The following TTN variants were observed in gnomAD, a reference collection of about 807,000 sequenced individuals.
The protein encoded by TTN is connectin.
TTN carries 1,525 observed loss-of-function variants against 3,223.0 expected under a neutral mutation model. That is an observed-to-expected ratio of 0.47 (90% CI 0.45 to 0.49). The LOEUF (loss-of-function observed/expected upper bound fraction) is 0.49. Among genes scored for constraint, TTN ranks in the 20% least tolerant of loss-of-function variants. TTN has a pLI of 0.00. For missense variants in TTN, 40,786 were observed against 43,424.0 expected (o/e 0.94, Z 5.40); for synonymous variants, 14,094 against 15,161.0 (o/e 0.93, Z 5.17).
rs375155937 is a variant in TTN at position 178,591,072 on chromosome 2, G to T, written c.60653C>A (p.Thr20218Lys). 1.2e-6 allele frequency: 2 copies of T among 1,613,332 alleles called. No homozygotes were observed. The highest frequency in any genetic ancestry group is 1.7e-6 in the Non-Finnish European group (2 of 1,179,566). Residue 20218 changes from threonine to lysine, a missense_variant, in exon 304 of 363, where the codon ACG becomes AAG. Coordinates refer to ENST00000589042, the MANE Select transcript of TTN (RefSeq NM_001267550.2). ...GCTTCCGGAAGAGACAACACCCCAC[G>T]TGTCTTTCCTTGTATCTTGTTTCTC... is the stretch of plus-strand genomic sequence containing the variant. ...IVEKQDTRKD[T>K]WGVVSSGSSK...
intron 164 of TTN, 50 bp downstream of exon 164, chr2:178,665,658 A>C: frequency 7.8e-7 from 1 of 1,286,968 alleles, no homozygotes; most frequent in Non-Finnish European, 1.0e-6. Context: ...CACCCTGTAC[A>C]TGCTAAGCAC....
In TTN at chr2:178,529,002, G is replaced by A. The variant is rs1052337715; in HGVS notation, c.106749C>T (p.Ser35583=). The A allele has an allele frequency of 1.2e-6, 2 of 1,613,816 alleles. No homozygotes were observed. Among genetic ancestry groups the A allele is most frequent in the Non-Finnish European group, 1.7e-6 (2 of 1,179,874 alleles). The change falls in exon 360 of 363, where the codon TCC becomes TCT. Residue 35583 remains serine, a synonymous_variant. Coordinates refer to ENST00000589042, the MANE Select transcript of TTN (RefSeq NM_001267550.2). ...CCTCATGGACAATGGATTTTTCCAG[G>A]GAGGTTGCTGCTGATTTCTTGACTT... ...SEEVKKSAAT[S]LEKSIVHEEI...
Position 178,729,899 on chromosome 2 carries a change from C to A in TTN, c.18354G>T (p.Arg6118Ser). ...IKKPSPVLVL[R>S]NGQSTTFECQ... ...ATTCAAATGTTGTTGACTGTCCATT[C>A]CTCAGCACTAAGACTGGACTGGGCT... The change falls in exon 63 of 363, where the codon AGG (arginine) becomes AGT (serine). Residue 6118 changes from arginine (R) to serine (S), a missense_variant. Physicochemically the swap from Arg to Ser is moderately radical, Grantham distance 110 (BLOSUM62 -1). Transcript: ENST00000589042. The A allele has an allele frequency of 1.2e-6, 2 of 1,613,344 alleles. No homozygotes were observed. Among genetic ancestry groups the A allele is most frequent in the South Asian group, 2.2e-5 (2 of 91,064 alleles).
rs372885019 is a variant in TTN at position 178,771,340 on chromosome 2, T to C, written c.7987A>G (p.Asn2663Asp). The C allele has an allele frequency of 1.9e-6, 3 of 1,613,958 alleles. No homozygotes were observed. The highest frequency in any genetic ancestry group is 2.5e-6 in the Non-Finnish European group (3 of 1,180,006). ...LRDGKHLPLT[N>D]NIRSESDGHK... is the part of the protein sequence containing the mutation. ...CCATCAGACTCACTTCTGATGTTGT[T>C]AGTCAGTGGTAGGTGTTTGCCATCC... Residue 2663 changes from asparagine to aspartate, a missense_variant, in exon 34 of 363, where the codon AAC (asparagine) becomes GAC (aspartate). Transcript: ENST00000589042.
rs1258019116 is a variant in TTN, at chr2:178,527,959, A to T, written c.107378-211T>A. On this transcript the variant is annotated intron_variant, in intron 361 of 362. Coordinates refer to ENST00000589042, the MANE Select transcript of TTN (RefSeq NM_001267550.2). ...AAACATGAATCCTTATATTTCTATC[A>T]TTACATTACATGCAGGTGCTAGGAA... is the stretch of plus-strand genomic sequence containing the variant. 7 of 548,584 alleles carry T rather than the reference A, an allele frequency of 1.3e-5. No individual in the cohort carries two copies. In the South Asian group the frequency reaches 2.0e-4, roughly 16 times the overall value. 34.0% of individuals were successfully genotyped at this position (548,584 alleles called of 1,614,324 possible).
At chr2:178,686,553 G>C (rs970481184) in intron 127 of TTN, among the ~76,000 whole-genome samples, 1 of 152,132 alleles carries the variant, frequency 6.6e-6, no homozygotes, top group Non-Finnish European at 1.5e-5. Context: ...GAGTAGCTGG[G>C]ACTAGAGGTG....
Position 178,704,143 on chromosome 2 carries a change from G to A in TTN, c.30223+4C>T, listed in dbSNP as rs1029088279. The stretch of plus-strand genomic sequence containing the variant: ...CCACAAGGACTCCATAGTGTTTCAC[G>A]CACCTTCGATTCTGAGTTCTGCTGA... On this transcript the variant is annotated splice_donor_region_variant and intron_variant, in intron 106 of 362. Coordinates refer to ENST00000589042, the MANE Select transcript of TTN (RefSeq NM_001267550.2). 4.3e-6 allele frequency: 7 copies of A among 1,613,056 alleles called. No individual in the cohort carries two copies. The highest frequency in any genetic ancestry group is 2.7e-5 in the African/African-American group (2 of 74,902).
At chr2:178,763,513 C>T (rs111879035) in intron 43 of TTN, among the ~76,000 whole-genome samples, 3,253 of 152,224 alleles carry the variant, frequency 0.021, 110 homozygotes, top group African/African-American at 0.07. Flanking sequence ...ATAGAGCTTA[C>T]CTTCTAGCAG....
intron 243 of TTN, 70 bp downstream of exon 243, chr2:178,622,600 A>C (rs1396559705): frequency 3.8e-6 from 5 of 1,321,142 alleles, no homozygotes. Context: ...TTTTTTTTCC[A>C]TTTTGGCTAG....
chr2:178,580,601 C>T lies in TTN; in HGVS notation c.66778G>A (p.Glu22260Lys), dbSNP rs553988103. Residue 22260 changes from glutamate (E) to lysine (K), a missense_variant, in exon 317 of 363, where the codon GAG becomes AAG. Coordinates refer to ENST00000589042, the MANE Select transcript of TTN (RefSeq NM_001267550.2). ...HYPKDILIPP[E>K]GELDADLRKT... ...CTTAAGTCCGCATCAAGTTCTCCCT[C>T]AGGTGGAACTGTTTAATTTTGGGTG... 3.7e-6 allele frequency: 6 copies of T among 1,605,776 alleles called. No homozygotes were observed. In the East Asian group the frequency reaches 9.0e-5, roughly 24 times the overall value.
At chr2:178,645,283 A>G (rs2061758344) in intron 217 of TTN, 1 of 152,076 alleles carries the variant, frequency 6.6e-6, no homozygotes, top group Non-Finnish European at 1.5e-5. Flanking sequence ...AAGTTTAATA[A>G]TAAATGCTGG....
At position 178,714,528 on chromosome 2, in the gene TTN, A is replaced by G. The variant is rs770874023; in HGVS notation, c.26246T>C (p.Val8749Ala). The change falls in exon 91 of 363, where the codon GTT (valine) becomes GCT (alanine). Residue 8749 changes from valine (V) to alanine (A), a missense_variant. Physicochemically the swap from Val to Ala is moderately conservative, Grantham distance 64. Coordinates refer to ENST00000589042, the MANE Select transcript of TTN (RefSeq NM_001267550.2). ...VKKLSDISTV[V>A]GKEVQLQTTI... is the part of the protein sequence containing the mutation. ...AGTCTGCAGCTGAACTTCTTTACCA[A>G]CGACAGTAGATATGTCACTGAGCTT... 2.7e-5 allele frequency: 44 copies of G among 1,612,926 alleles called. No individual in the cohort carries two copies. The Middle Eastern group carries it at 6.6e-4, about 24-fold the overall frequency.
intron 151 of TTN, 67 bp downstream of exon 151, chr2:178,674,247 T>C: frequency 2.2e-6 from 2 of 910,542 alleles, no homozygotes; most frequent in Non-Finnish European, 3.5e-6. Context: ...GAATCTTAGA[T>C]TTAGCTACTG....
chr2:178,667,683 C>T lies in TTN; in HGVS notation c.35584G>A (p.Val11862Ile). The T allele has an allele frequency of 2.5e-6, 4 of 1,597,052 alleles. No individual in the cohort carries two copies. The highest frequency in any genetic ancestry group is 2.5e-6 in the Non-Finnish European group (3 of 1,179,112). ...GTCTTTTGAGGTTGAGTCACAAGTA[C>T]TTTTTCTTCTAGGACTGCTTCTTCA... ...ASEEAVLEEKVLVTQPQKTKP... is the reference protein window; with the variant it reads ...ASEEAVLEEKILVTQPQKTKP... Residue 11862 changes from valine to isoleucine, a missense_variant, in exon 160 of 363, where the codon GTA becomes ATA. By Grantham distance (29) the Val-to-Ile change is conservative. Transcript: ENST00000589042.
chr2:178,802,077 C>A (rs2094094297), intron 3 of TTN, 61 bp downstream of exon 3: 18 of 1,607,042 alleles, frequency 1.1e-5, no homozygotes, highest in Middle Eastern at 1.9e-4. Flanking sequence ...GGACTCCTTT[C>A]CCAATTTGCT....
intron 253 of TTN, 102 bp from the exon 254 acceptor site, chr2:178,617,614 A>G (rs2057591319): frequency 7.1e-7 from 1 of 1,407,056 alleles, no homozygotes; most frequent in Non-Finnish European, 9.6e-7. Context: ...AGGTTTATCA[A>G]ATTCACTAAG....
chr2:178,601,780 G>A lies in TTN; in HGVS notation c.55310C>T (p.Thr18437Ile). ...HDIPEDAQLE[T>I]AENSSVIIIP... is the part of the protein sequence containing the mutation. ...AATAATTACTGAGGAGTTTTCAGCA[G>A]TCTCCAGCTGTACAAAGAAAATAGT... Residue 18437 changes from threonine to isoleucine, a missense_variant, in exon 286 of 363, where the codon ACT becomes ATT. Thr to Ile is a moderately conservative substitution (Grantham distance 89). Transcript: ENST00000589042. 6.2e-7 allele frequency: 1 copy of A among 1,602,726 alleles called. No individual in the cohort carries two copies. The highest frequency in any genetic ancestry group is 1.1e-5 in the South Asian group (1 of 88,210).
Position 178,598,005 on chromosome 2 carries a change from T to G in TTN, c.57165A>C (p.Glu19055Asp). The change falls in exon 293 of 363, where the codon GAA becomes GAC. Residue 19055 changes from glutamate (E) to aspartate (D), a missense_variant. By Grantham distance (45) the Glu-to-Asp change is conservative. Coordinates refer to ENST00000589042, the MANE Select transcript of TTN (RefSeq NM_001267550.2). Reference protein sequence around the residue: ...GTKLVVTGLKEGAFYKFRVRA... With the variant: ...GTKLVVTGLKDGAFYKFRVRA... Reference sequence around the variant, plus strand: ...TAACTCTAAATTTGTAGAATGCTCCTTCCTTTAATCCTGTCACAACAAGCT... The same window carrying G: ...TAACTCTAAATTTGTAGAATGCTCCGTCCTTTAATCCTGTCACAACAAGCT... 6.2e-7 allele frequency: 1 copy of G among 1,613,472 alleles called. No individual in the cohort carries two copies. The highest frequency in any genetic ancestry group is 8.5e-7 in the Non-Finnish European group (1 of 1,179,588).
In TTN at chr2:178,533,139, A is replaced by G; in HGVS notation, c.103476T>C (p.Ser34492=). 6.2e-7 allele frequency: 1 copy of G among 1,613,926 alleles called. No homozygotes were observed. The highest frequency in any genetic ancestry group is 2.2e-5 in the East Asian group (1 of 44,874). The change falls in exon 358 of 363, where the codon AGT becomes AGC. Residue 34492 remains serine, a synonymous_variant. Coordinates refer to ENST00000589042, the MANE Select transcript of TTN (RefSeq NM_001267550.2). ...CTTTAGCTACCTGTGTCAGTGGTACACTTTCAGTTCCAGAAAGAATTTCAG... is the reference window on the plus strand; with the variant it reads ...CTTTAGCTACCTGTGTCAGTGGTACGCTTTCAGTTCCAGAAAGAATTTCAG... The part of the protein sequence containing the change: ...RMAEILSGTE[S]VPLTQVAKEA...
Sources: gnomAD v4.1 joint callset for allele counts (sites outside exome capture counted in the v4.1 genomes callset) on GRCh38, gnomAD v4.1.1 for gene constraint, MANE v1.5 for transcripts, NCBI Gene and HGNC (gene_info 2026-07-23, HGNC 2026-07-21) for gene names.